The following PLCL2 variants were observed in gnomAD, a reference collection of about 807,000 sequenced individuals.
PLCL2 encodes the protein inactive phospholipase C-like protein 2.
PLCL2 carries 4 observed loss-of-function variants against 79.6 expected under a neutral mutation model. The ratio of observed to expected loss-of-function variants is 0.05; its 90% CI spans 0.02 to 0.11. PLCL2 has a LOEUF of 0.11. Among genes scored for constraint, PLCL2 ranks in the 10% least tolerant of loss-of-function variants. The pLI is 1.00. For synonymous variants in PLCL2, 484 were observed against 457.7 expected (o/e 1.06, Z -0.73); for missense variants, 895 against 1,291.0 (o/e 0.69, Z 4.70).
chr3:16,998,128 A>G (rs1267246085), intron 1 of PLCL2, among the ~76,000 whole-genome samples: 3 of 152,096 alleles, frequency 2.0e-5, no homozygotes, highest in African/African-American at 7.2e-5. Context: ...TCCTGCATCA[A>G]CCCCTGGATT....
intron 1 of PLCL2, among the ~76,000 whole-genome samples, chr3:16,914,092 G>A (rs963783014): frequency 5.3e-5 from 8 of 152,318 alleles, no homozygotes; most frequent in African/African-American, 1.9e-4. Flanking sequence ...TTTAGCCAGT[G>A]TTGATCTTTT....
intron 5 of PLCL2, among the ~76,000 whole-genome samples, chr3:17,082,141 T>TTTTG (rs1167936539): frequency 6.9e-6 from 1 of 145,626 alleles, no homozygotes; most frequent in East Asian, 2.0e-4. Flanking sequence ...CTTTCAGAGT[T>TTTTG]TTTTTTTTTT....
intron 1 of PLCL2, among the ~76,000 whole-genome samples, chr3:16,968,783 C>G (rs575072234): frequency 1.3e-5 from 2 of 151,736 alleles, no homozygotes; most frequent in Admixed American, 1.3e-4. Flanking sequence ...CCTGATTGCT[C>G]TGGCTAGGAG....
At chr3:16,996,093 C>G (rs2064150195) in intron 1 of PLCL2, among the ~76,000 whole-genome samples, 1 of 152,152 alleles carries the variant, frequency 6.6e-6, no homozygotes, top group Admixed American at 6.5e-5. Context: ...ACATAGATAT[C>G]CTACTCTGGG....
intron 1 of PLCL2, among the ~76,000 whole-genome samples, chr3:16,936,306 C>A (rs187818931): frequency 6.6e-6 from 1 of 152,102 alleles, no homozygotes; most frequent in African/African-American, 2.4e-5. Context: ...TGGAATCTGG[C>A]GATAGGACTG....
intron 1 of PLCL2, among the ~76,000 whole-genome samples, chr3:16,948,865 A>G (rs1346381492): frequency 3.3e-5 from 5 of 152,214 alleles, no homozygotes; most frequent in Non-Finnish European, 5.9e-5. Context: ...CAGTATGTTT[A>G]ATGAAGGTAC....
chr3:16,994,653 T>C (rs560794049), intron 1 of PLCL2, among the ~76,000 whole-genome samples: 4 of 152,358 alleles, frequency 2.6e-5, no homozygotes, highest in Non-Finnish European at 4.4e-5. Flanking sequence ...TTTTAAAATA[T>C]ATAGATTTCT....
chr3:17,042,295 A>G (rs1372154121), intron 3 of PLCL2, among the ~76,000 whole-genome samples: 1 of 152,230 alleles, frequency 6.6e-6, no homozygotes, highest in African/African-American at 2.4e-5. Flanking sequence ...AGCACATGCA[A>G]TTTGGAACAA....
At chr3:16,925,624 C>T (rs1697229023) in intron 1 of PLCL2, among the ~76,000 whole-genome samples, 1 of 152,196 alleles carries the variant, frequency 6.6e-6, no homozygotes, top group African/African-American at 2.4e-5. Flanking sequence ...TGGAATCATA[C>T]AATATATGGC....
At chr3:17,051,987 G>T (rs1470854826) in intron 4 of PLCL2, among the ~76,000 whole-genome samples, 1 of 152,040 alleles carries the variant, frequency 6.6e-6, no homozygotes, top group Non-Finnish European at 1.5e-5. Context: ...GTACCTTTAA[G>T]GCTCATTACA....
intron 1 of PLCL2, among the ~76,000 whole-genome samples, chr3:17,005,055 A>G (rs1051315217): frequency 6.6e-6 from 1 of 152,082 alleles, no homozygotes; most frequent in African/African-American, 2.4e-5. Flanking sequence ...CTGTTTTGCC[A>G]GGGTATTGAA....
intron 1 of PLCL2, among the ~76,000 whole-genome samples, chr3:16,918,081 T>G (rs753591247): frequency 7.9e-5 from 12 of 152,200 alleles, no homozygotes; most frequent in Non-Finnish European, 1.5e-4. Flanking sequence ...ACAGATAACT[T>G]TTGCATGACT....
chr3:16,926,494 C>T (rs993540476), intron 1 of PLCL2, among the ~76,000 whole-genome samples: 1 of 152,126 alleles, frequency 6.6e-6, no homozygotes, highest in Admixed American at 6.6e-5. Flanking sequence ...ATTATTATTA[C>T]TGTTATGTCA....
intron 1 of PLCL2, among the ~76,000 whole-genome samples, chr3:16,953,536 A>T (rs2063671940): frequency 6.6e-6 from 1 of 152,142 alleles, no homozygotes. Context: ...TCTCTTTTTC[A>T]TGGATATAAG....
intron 3 of PLCL2, among the ~76,000 whole-genome samples, chr3:17,027,003 T>G (rs1301317102): frequency 1.3e-5 from 2 of 152,216 alleles, no homozygotes; most frequent in African/African-American, 4.8e-5. Flanking sequence ...AATTTTAAGC[T>G]GTTTTCCTAA....
chr3:17,075,852 T>G (rs941075705), intron 5 of PLCL2, among the ~76,000 whole-genome samples: 2 of 152,256 alleles, frequency 1.3e-5, no homozygotes, highest in African/African-American at 4.8e-5. Context: ...GTTTCAGTAC[T>G]CCATTCCTTT....
chr3:16,979,100 T>C (rs1354778309), intron 1 of PLCL2, among the ~76,000 whole-genome samples: 4 of 152,194 alleles, frequency 2.6e-5, no homozygotes, highest in Non-Finnish European at 5.9e-5. Context: ...TAAGCCCAAG[T>C]AGGGATCTCT....
chr3:16,891,004 T>A (rs1696334680), intron 1 of PLCL2, among the ~76,000 whole-genome samples: 1 of 152,228 alleles, frequency 6.6e-6, no homozygotes, highest in Non-Finnish European at 1.5e-5. Flanking sequence ...TGTTAGGCCC[T>A]CTTACCACTA....
intron 1 of PLCL2, among the ~76,000 whole-genome samples, chr3:16,991,033 C>T (rs555757639): frequency 6.6e-6 from 1 of 152,314 alleles, no homozygotes; most frequent in East Asian, 1.9e-4. Context: ...TCACCTTGCC[C>T]TGCAGAGAGA....
Sources: gnomAD v4.1 joint callset for allele counts (sites outside exome capture counted in the v4.1 genomes callset) on GRCh38, gnomAD v4.1.1 for gene constraint, MANE v1.5 for transcripts, NCBI Gene and HGNC (gene_info 2026-07-23, HGNC 2026-07-21) for gene names.